Variants in OPCML observed in about 807,000 individuals in gnomAD.
OPCML encodes the protein opioid-binding protein/cell adhesion molecule.
Under a neutral mutation model 37.8 loss-of-function variants are expected in OPCML, and 13 were observed. That is an observed-to-expected ratio of 0.34 (90% CI 0.22 to 0.55). OPCML has a LOEUF of 0.55. Ranked by LOEUF, OPCML falls within the 20% of genes least tolerant of loss-of-function variation. The pLI is 0.91. For synonymous variants in OPCML, 176 were observed against 168.8 expected (o/e 1.04, Z -0.33); for missense variants, 341 against 435.6 (o/e 0.78, Z 1.93).
At chr11:132,961,200 G>A (rs1483998176) in intron 1 of OPCML, among the ~76,000 whole-genome samples, 1 of 152,200 alleles carries the variant, frequency 6.6e-6, no homozygotes, top group African/African-American at 2.4e-5. Context: ...CATGTGAGCA[G>A]CACCCTGAGC....
At chr11:132,759,014 G>T (rs1210285031) in intron 2 of OPCML, among the ~76,000 whole-genome samples, 1 of 152,072 alleles carries the variant, frequency 6.6e-6, no homozygotes, top group African/African-American at 2.4e-5. Flanking sequence ...GCATGAAAGG[G>T]GGTTGAATTT....
At chr11:132,969,280 G>A (rs776821610) in intron 1 of OPCML, among the ~76,000 whole-genome samples, 51 of 152,060 alleles carry the variant, frequency 3.4e-4, no homozygotes, top group Non-Finnish European at 6.3e-4. Context: ...TGTTTCTAAC[G>A]AAATGTCCTC....
intron 3 of OPCML, among the ~76,000 whole-genome samples, chr11:132,580,935 G>T (rs1205901354): frequency 6.6e-6 from 1 of 152,080 alleles, no homozygotes; most frequent in Non-Finnish European, 1.5e-5. Flanking sequence ...TTAACATGAG[G>T]GTAAGATTTG....
intron 1 of OPCML, among the ~76,000 whole-genome samples, chr11:133,170,023 C>T (rs947900336): frequency 3.3e-5 from 5 of 152,106 alleles, no homozygotes; most frequent in Admixed American, 1.3e-4. Flanking sequence ...TTGAGAAGCA[C>T]GTTTTTGAAA....
intron 2 of OPCML, among the ~76,000 whole-genome samples, chr11:132,928,097 A>T (rs914079427): frequency 6.6e-6 from 1 of 152,016 alleles, no homozygotes. Context: ...AAAATATATA[A>T]CAAAACAGCA....
At chr11:133,426,273 A>G (rs1946000264) in intron 1 of OPCML, among the ~76,000 whole-genome samples, 1 of 152,208 alleles carries the variant, frequency 6.6e-6, no homozygotes. Flanking sequence ...ATCTTTTTGG[A>G]AACATTTCAG....
At chr11:132,508,516 G>C (rs543504276) in intron 4 of OPCML, among the ~76,000 whole-genome samples, 5 of 151,950 alleles carry the variant, frequency 3.3e-5, no homozygotes, top group African/African-American at 1.2e-4. Flanking sequence ...ACTCTGTTAT[G>C]GTTTGGCCAT....
chr11:133,331,431 G>A (rs369263626), intron 1 of OPCML, among the ~76,000 whole-genome samples: 24 of 152,152 alleles, frequency 1.6e-4, no homozygotes, highest in African/African-American at 5.1e-4. Flanking sequence ...CAGAGCCACC[G>A]TGGCTTTAGT....
At chr11:132,874,617 A>G (rs1369259927) in intron 2 of OPCML, among the ~76,000 whole-genome samples, 1 of 152,182 alleles carries the variant, frequency 6.6e-6, no homozygotes, top group Non-Finnish European at 1.5e-5. Context: ...GGGTCTTTAG[A>G]GGAAACATAG....
chr11:132,753,560 A>C (rs1945915277), intron 2 of OPCML, among the ~76,000 whole-genome samples: 1 of 150,928 alleles, frequency 6.6e-6, no homozygotes, highest in African/African-American at 2.5e-5. Context: ...CCATTATTGC[A>C]CATATATAGA....
At chr11:133,277,965 C>A (rs1021360815) in intron 1 of OPCML, among the ~76,000 whole-genome samples, 3 of 152,120 alleles carry the variant, frequency 2.0e-5, no homozygotes, top group Admixed American at 6.5e-5. Flanking sequence ...AAGCATATAT[C>A]CTTGCTCCAG....
rs1305332871 is a variant in OPCML, at chr11:132,704,284, T to C, written c.147-46965A>G. On this transcript the variant is annotated intron_variant, in intron 2 of 7. Transcript: ENST00000524381. The stretch of plus-strand genomic sequence containing the variant: ...CTCTCTCATATTTTTTCTGAAGAAG[T>C]TACCTGAGAATGTACCAAAGAAAAA... 2.0e-5 allele frequency among the ~76,000 whole-genome samples: 3 copies of C among 152,252 alleles called. No homozygotes were observed. The East Asian group carries it at 5.8e-4, about 29-fold the overall frequency.
intron 2 of OPCML, among the ~76,000 whole-genome samples, chr11:132,891,773 G>T (rs1253604636): frequency 6.6e-6 from 1 of 152,160 alleles, no homozygotes; most frequent in African/African-American, 2.4e-5. Context: ...TTCAAATATT[G>T]TCTTTACCTT....
rs1308494180 is a variant in OPCML at position 132,623,202 on chromosome 11, C to A, written c.379+33885G>T. 2.0e-5 allele frequency among the ~76,000 whole-genome samples: 3 copies of A among 152,076 alleles called. No individual in the cohort carries two copies. In the East Asian group the frequency reaches 5.8e-4, roughly 29 times the overall value. ...GCATCTGTTTCTGAGCGGTAAAACC[C>A]CTGAGGCAGAGCACATAAACCCAAG... On this transcript the variant is annotated intron_variant, in intron 3 of 7. Coordinates refer to ENST00000524381, the MANE Select transcript of OPCML (RefSeq NM_001012393.5).
intron 2 of OPCML, among the ~76,000 whole-genome samples, chr11:132,669,637 C>T (rs1784515): frequency 0.11 from 17,014 of 152,212 alleles, 1,073 homozygotes; most frequent in Non-Finnish European, 0.13. Context: ...CCTTTATGTC[C>T]ACCTTCTTCC....
chr11:132,490,917 A>G (rs928073877), intron 4 of OPCML, among the ~76,000 whole-genome samples: 1 of 151,948 alleles, frequency 6.6e-6, no homozygotes, highest in Non-Finnish European at 1.5e-5. Flanking sequence ...CTTTCCCCCT[A>G]CAAACTGCCC....
chr11:132,772,838 C>A (rs1227277951), intron 2 of OPCML: 1 of 152,240 alleles, frequency 6.6e-6, no homozygotes, highest in Admixed American at 6.5e-5. Context: ...CAGAAGACAT[C>A]TGCATGGCCC....
intron 1 of OPCML, among the ~76,000 whole-genome samples, chr11:133,201,636 GA>G (rs1227810413): frequency 2.6e-5 from 4 of 152,108 alleles, no homozygotes; most frequent in Admixed American, 1.3e-4. Context: ...AGGCAAAGAA[GA>G]AAAAGTAAAT....
At chr11:133,310,094 G>T (rs78737044) in intron 1 of OPCML, among the ~76,000 whole-genome samples, 1 of 152,312 alleles carries the variant, frequency 6.6e-6, no homozygotes, top group East Asian at 1.9e-4. Context: ...CGTAGAGAAA[G>T]AACCTGAATG....
Sources: gnomAD v4.1 joint callset for allele counts (sites outside exome capture counted in the v4.1 genomes callset) on GRCh38, gnomAD v4.1.1 for gene constraint, MANE v1.5 for transcripts, NCBI Gene and HGNC (gene_info 2026-07-23, HGNC 2026-07-21) for gene names.